The following OS9 variants were observed in gnomAD, a reference collection of about 807,000 sequenced individuals.
The protein encoded by OS9 is protein OS-9.
Under a neutral mutation model 84.7 loss-of-function variants are expected in OS9, and 58 were observed. The observed-to-expected ratio is 0.68, with a 90% CI of 0.55 to 0.85. OS9 has a LOEUF of 0.85. Among genes scored for constraint, OS9 ranks in the 40% least tolerant of loss-of-function variants. The pLI is 0.00. For synonymous variants in OS9, 278 were observed against 320.8 expected, an observed-to-expected ratio of 0.87 and a Z score of 1.43; for missense variants, 760 against 850.9, an observed-to-expected ratio of 0.89 and a Z score of 1.33.
At chr12:57,718,608 A>G (rs929184622) in intron 11 of OS9, among the ~76,000 whole-genome samples, 187 bp downstream of exon 11, 1 of 152,136 alleles carries the variant, frequency 6.6e-6, no homozygotes, top group African/African-American at 2.4e-5. Context: ...ACAAGACTTA[A>G]ATATCAGACT....
chr12:57,696,408 AG>A (rs780092072), intron 5 of OS9, 35 bp downstream of exon 5: 2 of 937,874 alleles, frequency 2.1e-6, no homozygotes, highest in Non-Finnish European at 3.0e-6. Flanking sequence ...ACACTCCCAC[AG>A]GGACAGTTCA....
In OS9 at chr12:57,720,430, G is replaced by T; in HGVS notation, c.1790G>T (p.Arg597Leu). The T allele has an allele frequency of 6.2e-7, 1 of 1,613,860 alleles. No homozygotes were observed. Among genetic ancestry groups the T allele is most frequent in the Non-Finnish European group, 8.5e-7 (1 of 1,179,694 alleles). The stretch of plus-strand genomic sequence containing the variant: ...GGGAAAATTGAGATCAAAATTGTCC[G>T]CCCATGGGCTGAAGGGACTGAAGAG... Reference protein sequence around the residue: ...AAGKIEIKIVRPWAEGTEEGA... With the variant: ...AAGKIEIKIVLPWAEGTEEGA... The change falls in exon 14 of 15, where the codon CGC becomes CTC. Residue 597 changes from arginine to leucine, a missense_variant. Arg to Leu is a moderately radical substitution (Grantham distance 102). Coordinates refer to ENST00000315970, the MANE Select transcript of OS9 (RefSeq NM_006812.4).
intron 5 of OS9, 131 bp downstream of exon 5, chr12:57,696,504 A>T: frequency 1.8e-6 from 1 of 548,066 alleles, no homozygotes; most frequent in East Asian, 3.8e-5. Flanking sequence ...AAAGTTTAAA[A>T]CATATTTCCA....
At chr12:57,720,678 A>G (rs1262270718) in intron 14 of OS9, 106 bp from the exon 15 acceptor site, 9 of 1,410,608 alleles carry the variant, frequency 6.4e-6, no homozygotes, top group Middle Eastern at 2.2e-4. Context: ...AGAGCCCCTC[A>G]GGACATGGGT....
Position 57,717,898 on chromosome 12 carries a change from C to A in OS9, c.1074C>A (p.Val358=). 1 of 1,606,838 alleles carries A rather than the reference C, an allele frequency of 6.2e-7. No individual in the cohort carries two copies. The highest frequency in any genetic ancestry group is 8.5e-7 in the Non-Finnish European group (1 of 1,176,196). The change falls in exon 10 of 15, where the codon GTC becomes GTA. Residue 358 remains valine (V), a synonymous_variant. Transcript: ENST00000315970. ...TTCAGAACAACGTGCAGGTCAAAGT[C>A]ATTCGAAGCCCTGCGGATTTGATTC... The part of the protein sequence containing the change: ...NDFQNNVQVK[V]IRSPADLIRF...
chr12:57,706,275 TA>T (rs759813295), intron 5 of OS9, among the ~76,000 whole-genome samples: 2 of 151,944 alleles, frequency 1.3e-5, no homozygotes, highest in East Asian at 3.9e-4. Context: ...ATGGTTTTTT[TA>T]ATATTAAAAA....
Position 57,720,511 on chromosome 12 carries a change from A to G in OS9, c.1871A>G (p.Asn624Ser), listed in dbSNP as rs1182822507. 3.1e-6 allele frequency: 5 copies of G among 1,607,202 alleles called. No individual in the cohort carries two copies. The highest frequency in any genetic ancestry group is 4.3e-6 in the Non-Finnish European group (5 of 1,173,614). Residue 624 changes from asparagine (N) to serine (S), a missense_variant, in exon 14 of 15, where the codon AAT becomes AGT. Coordinates refer to ENST00000315970, the MANE Select transcript of OS9 (RefSeq NM_006812.4). ...DTRNLKEIFFNILVPGAEEAQ... is the reference protein window; with the variant it reads ...DTRNLKEIFFSILVPGAEEAQ... ...AGAAACCTCAAGGAGATCTTCTTCA[A>G]TATCTTGGTAAGAGGCTTCTACCCC...
Position 57,720,867 on chromosome 12 carries a change from AG to A in OS9, c.1964del (p.Gly655ValfsTer84). 2 of 1,614,096 alleles carry A rather than the reference AG, an allele frequency of 1.2e-6. No individual in the cohort carries two copies. The highest frequency in any genetic ancestry group is 1.7e-6 in the Non-Finnish European group (2 of 1,179,932). The stretch of plus-strand genomic sequence containing the variant: ...ATTACCGCCGGGTGTGGGGCTCTCC[AG>A]GTGGGGAGGGCACAGGGGACCTGGA... ...SNYRRVWGSP[G>X]GEGTGDLDEF... On this transcript the variant is annotated frameshift_variant, in exon 15 of 15. Transcript: ENST00000315970. LOFTEE classifies it high-confidence loss of function.
chr12:57,698,654 G>T (rs1325368831), intron 5 of OS9, among the ~76,000 whole-genome samples: 10 of 152,206 alleles, frequency 6.6e-5, no homozygotes, highest in Non-Finnish European at 1.3e-4. Context: ...GAGGATGGTG[G>T]GGGGAATGAG....
At position 57,702,270 on chromosome 12, in the gene OS9, G is replaced by T. The variant is rs184848678; in HGVS notation, c.579+5897G>T. On this transcript the variant is annotated intron_variant, in intron 5 of 14. Transcript: ENST00000315970. ...CCTATTTCTCCCTCTCCCAGACTCT[G>T]TTCTACTTTCTGTCTGTATGAGTTT... Among the ~76,000 whole-genome samples, 117 of 152,254 alleles carry T rather than the reference G, an allele frequency of 7.7e-4. 2 individuals are homozygous for T. Among genetic ancestry groups the T allele is most frequent in the African/African-American group, 2.7e-3 (111 of 41,528 alleles).
chr12:57,719,336 A>G, intron 12 of OS9, 154 bp downstream of exon 12: 1 of 638,704 alleles, frequency 1.6e-6, no homozygotes, highest in Non-Finnish European at 2.7e-6. Flanking sequence ...CCTGCTTCCC[A>G]ACACCATCAT....
intron 5 of OS9, among the ~76,000 whole-genome samples, chr12:57,697,962 CA>C (rs1163746443): frequency 1.3e-5 from 2 of 149,022 alleles, no homozygotes; most frequent in African/African-American, 4.9e-5. Flanking sequence ...CACACACACA[CA>C]CACCCTATTG....
rs767112107 is a variant in OS9 at position 57,718,348 on chromosome 12, C to T, written c.1337C>T (p.Pro446Leu). The T allele has an allele frequency of 3.6e-5, 58 of 1,614,056 alleles. No individual in the cohort carries two copies. Among genetic ancestry groups the T allele is most frequent in the Non-Finnish European group, 4.7e-5 (55 of 1,180,046 alleles). Residue 446 changes from proline to leucine, a missense_variant, in exon 11 of 15, where the codon CCG becomes CTG. Physicochemically the swap from Pro to Leu is moderately conservative, Grantham distance 98 (BLOSUM62 -3). Transcript: ENST00000315970. Reference sequence around the variant, plus strand: ...AAGGAACTGGAAGGGATCCTGCTTCCGTCAGACCGAGACCGGCTCCGTTCG... The same window carrying T: ...AAGGAACTGGAAGGGATCCTGCTTCTGTCAGACCGAGACCGGCTCCGTTCG... Reference protein sequence around the residue: ...FEKELEGILLPSDRDRLRSEV... With the variant: ...FEKELEGILLLSDRDRLRSEV...
At chr12:57,710,409 G>T (rs991210333) in intron 5 of OS9, among the ~76,000 whole-genome samples, 2 of 152,066 alleles carry the variant, frequency 1.3e-5, no homozygotes, top group South Asian at 2.1e-4. Context: ...TCACATCAGA[G>T]GTTAGTCAGT....
intron 4 of OS9, 94 bp downstream of exon 4, chr12:57,696,132 C>A: frequency 3.2e-6 from 4 of 1,244,790 alleles, no homozygotes; most frequent in Non-Finnish European, 2.4e-6. Flanking sequence ...TGATCTGTTT[C>A]TTGGGGCTTG....
chr12:57,716,283 G>A (rs970633808), intron 7 of OS9, 90 bp downstream of exon 7: 1 of 766,150 alleles, frequency 1.3e-6, no homozygotes, highest in Non-Finnish European at 2.2e-6. Context: ...GTGGGGTGGG[G>A]GGGGGTGGAA....
At chr12:57,699,698 CT>C in intron 5 of OS9, among the ~76,000 whole-genome samples, 1 of 152,342 alleles carries the variant, frequency 6.6e-6, no homozygotes, top group Non-Finnish European at 1.5e-5. Flanking sequence ...CCAGGCACCC[CT>C]GACCAGTCCT....
rs1954651315 is a variant in OS9 at position 57,720,586 on chromosome 12, G to C, written c.1878+68G>C. The C allele has an allele frequency of 4.5e-6, 6 of 1,342,556 alleles. No individual in the cohort carries two copies. In the South Asian group the frequency reaches 7.1e-5, roughly 16 times the overall value. The allele number at this position is 1,342,556 out of a possible 1,614,324, so 83.2% of individuals were successfully genotyped here. The stretch of plus-strand genomic sequence containing the variant: ...GGAGTGGAGGTGCGGGCTTGCCCCA[G>C]CCACGCCATTGCTGAGCTTCCATTT... On this transcript the variant is annotated intron_variant, in intron 14 of 14. Coordinates refer to ENST00000315970, the MANE Select transcript of OS9 (RefSeq NM_006812.4).
intron 5 of OS9, among the ~76,000 whole-genome samples, chr12:57,711,815 A>G (rs1246129384): frequency 1.3e-5 from 2 of 152,238 alleles, no homozygotes; most frequent in African/African-American, 2.4e-5. Flanking sequence ...TGGGCTGGGC[A>G]CAGTGGCTAA....
Sources: allele counts gnomAD v4.1 joint callset (sites outside exome capture counted in the v4.1 genomes callset), GRCh38; gene constraint gnomAD v4.1.1; transcripts MANE v1.5; gene names NCBI Gene and HGNC (gene_info 2026-07-23, HGNC 2026-07-21).